Variants in CREBBP observed in about 807,000 individuals in gnomAD.
The protein encoded by CREBBP is CREB-binding protein.
CREBBP carries 19 observed loss-of-function variants against 265.0 expected under a neutral mutation model. The ratio of observed to expected loss-of-function variants is 0.07; its 90% CI spans 0.05 to 0.11. The LOEUF (loss-of-function observed/expected upper bound fraction) is 0.11, where lower values mean the gene tolerates loss of function less well. Ranked by LOEUF, CREBBP falls within the 10% of genes least tolerant of loss-of-function variation. The pLI, the probability that CREBBP is intolerant of heterozygous loss-of-function variation, is 1.00. For missense variants in CREBBP, 2,525 were observed against 3,219.0 expected (o/e 0.78, Z 5.22); for synonymous variants, 1,457 against 1,223.7 (o/e 1.19, Z -3.98).
intron 1 of CREBBP, among the ~76,000 whole-genome samples, chr16:3,878,450 T>C (rs2055448248): frequency 6.6e-6 from 1 of 152,262 alleles, no homozygotes; most frequent in Admixed American, 6.5e-5. Flanking sequence ...TTTAACTAGA[T>C]AAGAATCTCC....
intron 1 of CREBBP, among the ~76,000 whole-genome samples, chr16:3,862,378 C>T (rs1490983082): frequency 1.3e-5 from 2 of 152,022 alleles, no homozygotes; most frequent in Non-Finnish European, 2.9e-5. Flanking sequence ...AAGTTCCATA[C>T]GGTGGGAAGG....
intron 16 of CREBBP, among the ~76,000 whole-genome samples, chr16:3,764,073 G>A (rs1455731082): frequency 6.6e-6 from 1 of 152,002 alleles, no homozygotes; most frequent in East Asian, 1.9e-4. Context: ...CACACACACT[G>A]CTGCTGCTGT....
rs533575836 is a variant in CREBBP, at chr16:3,734,727, C to G, written c.4728+1309G>C. On this transcript the variant is annotated intron_variant, in intron 28 of 30. Coordinates refer to ENST00000262367, the MANE Select transcript of CREBBP (RefSeq NM_004380.3). ...CCTCCTCTGTCCTGCGAATGACACT[C>G]TGGGGCGCCGTCCAGCAGGTGGCTG... Among the ~76,000 whole-genome samples, 124 of 152,056 alleles carry G rather than the reference C, an allele frequency of 8.2e-4. 1 individual carries two copies. The highest frequency in any genetic ancestry group is 1.5e-3 in the Non-Finnish European group (104 of 67,938).
At chr16:3,849,422 T>TG (rs2054745513) in intron 2 of CREBBP, among the ~76,000 whole-genome samples, 2 of 7,096 alleles carry the variant, frequency 2.8e-4, no homozygotes, top group East Asian at 0.033. Flanking sequence ...TGTGTGTGTG[T>TG]GTGTGTGTGT....
intron 13 of CREBBP, among the ~76,000 whole-genome samples, chr16:3,772,878 T>C (rs1596892690): frequency 1.5e-5 from 2 of 132,404 alleles, no homozygotes; most frequent in East Asian, 4.3e-4. Flanking sequence ...GAGATCAGCC[T>C]GGCCAACATG....
chr16:3,874,199 G>A (rs1488105579), intron 1 of CREBBP, among the ~76,000 whole-genome samples: 2 of 152,204 alleles, frequency 1.3e-5, no homozygotes, highest in Non-Finnish European at 2.9e-5. Context: ...CCATATAACT[G>A]TTACAGAGGA....
intron 2 of CREBBP, 95 bp from the exon 3 acceptor site, chr16:3,810,874 C>A (rs1435415227): frequency 8.0e-7 from 1 of 1,244,672 alleles, no homozygotes; most frequent in African/African-American, 1.5e-5. Flanking sequence ...ATGAAATACT[C>A]ATTGCAATGA....
chr16:3,765,167 G>A (rs767165829), intron 16 of CREBBP, among the ~76,000 whole-genome samples: 7 of 152,088 alleles, frequency 4.6e-5, no homozygotes, highest in African/African-American at 4.8e-5. Context: ...TAGTAGAGAC[G>A]GGGTTTCACC....
intron 1 of CREBBP, among the ~76,000 whole-genome samples, chr16:3,858,894 T>C (rs1314761191): frequency 6.6e-6 from 1 of 152,218 alleles, no homozygotes; most frequent in Non-Finnish European, 1.5e-5. Context: ...TAATGTAGGA[T>C]GAGCAACAGT....
At chr16:3,851,093 A>C in intron 1 of CREBBP, 84 bp from the exon 2 acceptor site, 1 of 1,171,698 alleles carries the variant, frequency 8.5e-7, no homozygotes, top group Non-Finnish European at 1.3e-6. Flanking sequence ...TCTTAACCTA[A>C]TGGGGCATTC....
intron 1 of CREBBP, among the ~76,000 whole-genome samples, chr16:3,867,829 T>C (rs955269564): frequency 2.0e-5 from 3 of 151,058 alleles, no homozygotes; most frequent in Non-Finnish European, 2.9e-5. Context: ...CTTGGGAGGC[T>C]GAGGTGGGAT....
At chr16:3,852,028 T>G (rs192260191) in intron 1 of CREBBP, among the ~76,000 whole-genome samples, 1 of 44,318 alleles carries the variant, frequency 2.3e-5, no homozygotes, top group African/African-American at 9.8e-5. Context: ...ACAGCGAGAC[T>G]CCATCTCAAA....
chr16:3,777,932 T>C (rs1321014395), intron 10 of CREBBP, 79 bp downstream of exon 10: 2 of 1,510,952 alleles, frequency 1.3e-6, no homozygotes, highest in African/African-American at 1.4e-5. Context: ...TAATTCTCTG[T>C]TCTTAGAAAT....
rs117158343 is a variant in CREBBP, at chr16:3,873,297, A to T, written c.85+6535T>A. ...AATAATTCAGAACACACACCATTTAAGTTTTCGTAATTTTAAGCTTTCATG... is the reference window on the plus strand; with the variant it reads ...AATAATTCAGAACACACACCATTTATGTTTTCGTAATTTTAAGCTTTCATG... On this transcript the variant is annotated intron_variant, in intron 1 of 30. Coordinates refer to ENST00000262367, the MANE Select transcript of CREBBP (RefSeq NM_004380.3). Among the ~76,000 whole-genome samples, 450 of 152,312 alleles carry T rather than the reference A, an allele frequency of 3.0e-3. 2 individuals carry two copies. The highest frequency in any genetic ancestry group is 4.8e-3 in the Non-Finnish European group (328 of 68,024).
At position 3,782,571 on chromosome 16, in the gene CREBBP, A is replaced by G. The variant is rs534361034; in HGVS notation, c.1573+113T>C. ...TTTTCCTGGGAGATTTTTTATTTCA[A>G]CCACCGTAGTAAAAAACACAAAACA... On this transcript the variant is annotated intron_variant, in intron 6 of 30. Transcript: ENST00000262367. 1.5e-5 allele frequency: 21 copies of G among 1,378,244 alleles called. 1 individual carries two copies. In the South Asian group the frequency reaches 2.6e-4, roughly 17 times the overall value. 85.4% of individuals were successfully genotyped at this position (1,378,244 alleles called of 1,614,324 possible).
At chr16:3,798,542 A>T (rs555983563) in intron 3 of CREBBP, among the ~76,000 whole-genome samples, 1 of 152,382 alleles carries the variant, frequency 6.6e-6, no homozygotes, top group Admixed American at 6.5e-5. Flanking sequence ...TATGCAAAGA[A>T]GATACACGAA....
chr16:3,795,094 T>C (rs2053581434), intron 3 of CREBBP, among the ~76,000 whole-genome samples: 1 of 152,184 alleles, frequency 6.6e-6, no homozygotes, highest in African/African-American at 2.4e-5. Context: ...AAAAGCTGGG[T>C]GGCTGGGCTT....
At chr16:3,803,167 A>T (rs573556516) in intron 3 of CREBBP, among the ~76,000 whole-genome samples, 184 of 149,874 alleles carry the variant, frequency 1.2e-3, no homozygotes, top group South Asian at 3.4e-3. Context: ...GATTTTTTTT[A>T]AAAAAATAAG....
In CREBBP at chr16:3,758,029, T is replaced by C; in HGVS notation, c.3389A>G (p.Lys1130Arg). 2 of 1,612,274 alleles carry C rather than the reference T, an allele frequency of 1.2e-6. No homozygotes were observed. The highest frequency in any genetic ancestry group is 2.2e-5 in the South Asian group (2 of 91,030). The change falls in exon 18 of 31, where the codon AAG becomes AGG. Residue 1130 changes from lysine (K) to arginine (R), a missense_variant. Around this residue, in one of 19 missense-constraint regions of CREBBP, gnomAD observed 252 missense variants for 452.5 expected, o/e 0.56. Coordinates refer to ENST00000262367, the MANE Select transcript of CREBBP (RefSeq NM_004380.3). ...LGIPDYFDIVKNPMDLSTIKR... is the reference protein window; with the variant it reads ...LGIPDYFDIVRNPMDLSTIKR... ...GATGGTGGAGAGGTCCATGGGATTC[T>C]TTACGATGTCAAAATAGTCCTTAAA...
Sources: gnomAD v4.1 joint callset for allele counts (sites outside exome capture counted in the v4.1 genomes callset) on GRCh38, gnomAD v4.1.1 for gene constraint, gnomAD v4.1.1 regional missense constraint, MANE v1.5 for transcripts, NCBI Gene and HGNC (gene_info 2026-07-23, HGNC 2026-07-21) for gene names.